PCDHGB7: variants seen among roughly 807,000 people sequenced by gnomAD.
PCDHGB7 encodes the protein protocadherin gamma-B7.
In PCDHGB7, 37 loss-of-function variants were observed where a neutral mutation model predicts 61.4. The observed-to-expected ratio is 0.60, with a 90% CI of 0.46 to 0.79. PCDHGB7 has a LOEUF of 0.79. Among genes scored for constraint, PCDHGB7 ranks in the 30% least tolerant of loss-of-function variants. The pLI, the probability that PCDHGB7 is intolerant of heterozygous loss-of-function variation, is 0.00. For synonymous variants in PCDHGB7, 464 were observed against 503.5 expected (o/e 0.92, Z 1.05); for missense variants, 1,166 against 1,202.5 (o/e 0.97, Z 0.45).
At position 141,487,063 on chromosome 5, in the gene PCDHGB7, G is replaced by A. The variant is rs754361361; in HGVS notation, c.2416-7744G>A. 39 of 1,614,086 alleles carry A rather than the reference G, an allele frequency of 2.4e-5. No individual in the cohort carries two copies. In the South Asian group the frequency reaches 3.7e-4, roughly 15 times the overall value. The stretch of plus-strand genomic sequence containing the variant: ...CTCGATATGCTGGGGAGGTGCGGAC[G>A]GCTGTTCCTATCCCAGCTGACCTCC... On this transcript the variant is annotated intron_variant, in intron 1 of 3. Transcript: ENST00000398594. The surrounding 1 kb of genome is among the most constrained non-coding windows in gnomAD (Gnocchi z 5.0).
At chr5:141,455,282 A>C (rs1307886349) in intron 1 of PCDHGB7, among the ~76,000 whole-genome samples, 1 of 152,056 alleles carries the variant, frequency 6.6e-6, no homozygotes, top group Non-Finnish European at 1.5e-5. Flanking sequence ...TATTAACATC[A>C]CTTTACATAG....
chr5:141,496,144 T>C (rs1478887814), intron 2 of PCDHGB7, among the ~76,000 whole-genome samples: 1 of 151,780 alleles, frequency 6.6e-6, no homozygotes, highest in Non-Finnish European at 1.5e-5. Context: ...GAGCCTTTGA[T>C]CGCAGCTCTC....
chr5:141,491,126 G>A lies in PCDHGB7; in HGVS notation c.2416-3681G>A, dbSNP rs768294944. 1.4e-5 allele frequency: 23 copies of A among 1,613,978 alleles called. No individual in the cohort carries two copies. In the East Asian group the frequency reaches 3.1e-4, roughly 22 times the overall value. On this transcript the variant is annotated intron_variant, in intron 1 of 3. Transcript: ENST00000398594. This position sits in a 1 kb window ranked among gnomAD's most constrained non-coding sequence, Gnocchi z 6.9. ...GTGTCTACACACACTGGTGAGGTGCGCACAGCCCGGGCCTTACTGGAGGAT... is the reference window on the plus strand; with the variant it reads ...GTGTCTACACACACTGGTGAGGTGCACACAGCCCGGGCCTTACTGGAGGAT...
chr5:141,477,845 GT>G lies in PCDHGB7; in HGVS notation c.2416-16961del, dbSNP rs1562065234. ...ATATCCTCGGCCAGGTGGGAGCTCG[GT>G]GGAGATGCTGCCTCGAGGTACCTCA... is the stretch of plus-strand genomic sequence containing the variant. On this transcript the variant is annotated intron_variant, in intron 1 of 3. Coordinates refer to ENST00000398594, the MANE Select transcript of PCDHGB7 (RefSeq NM_018927.4). This position sits in a 1 kb window ranked among gnomAD's most constrained non-coding sequence, Gnocchi z 4.9. 1 of 1,614,038 alleles carries G rather than the reference GT, an allele frequency of 6.2e-7. No homozygotes were observed. Among genetic ancestry groups the G allele is most frequent in the East Asian group, 2.2e-5 (1 of 44,896 alleles).
At chr5:141,422,463 C>T in intron 1 of PCDHGB7, 1 of 1,613,472 alleles carries the variant, frequency 6.2e-7, no homozygotes, top group African/African-American at 1.3e-5. Context: ...GAGTGCTGGA[C>T]AGGGAGTTGG....
intron 1 of PCDHGB7, among the ~76,000 whole-genome samples, chr5:141,436,374 G>C (rs2154557079): frequency 6.6e-6 from 1 of 152,248 alleles, no homozygotes; most frequent in East Asian, 1.9e-4. Context: ...TCCAGTTTAA[G>C]CTGAATAGGC....
rs1300601208 is a variant in PCDHGB7 at position 141,499,206 on chromosome 5, AC to A, written c.2474+4344del. On this transcript the variant is annotated intron_variant, in intron 2 of 3. Transcript: ENST00000398594. ...ACCATTTCCCCCTTCTTAGGCTGTA[AC>A]CCAGGCCCTGCCCTGCAGCTGTCCC... Among the ~76,000 whole-genome samples the A allele has an allele frequency of 3.3e-5, 5 of 152,062 alleles. No homozygotes were observed. In the East Asian group the frequency reaches 7.7e-4, roughly 24 times the overall value.
In PCDHGB7 at chr5:141,511,281, G is replaced by A; in HGVS notation, c.*108G>A. The A allele has an allele frequency of 2.0e-6, 3 of 1,531,280 alleles. No homozygotes were observed. Among genetic ancestry groups the A allele is most frequent in the Non-Finnish European group, 2.6e-6 (3 of 1,137,132 alleles). 94.9% of individuals were successfully genotyped at this position (1,531,280 alleles called of 1,614,324 possible). ...TTCAGGGCTAACCCCCAGAATACTG[G>A]TAGGGGCCAAGGCCATGCTCCCCTT... On this transcript the variant is annotated 3_prime_UTR_variant, in exon 4 of 4. Transcript: ENST00000398594.
In PCDHGB7 at chr5:141,487,762, T is replaced by C; in HGVS notation, c.2416-7045T>C. 6.5e-7 allele frequency: 1 copy of C among 1,545,432 alleles called. No homozygotes were observed. The highest frequency in any genetic ancestry group is 8.8e-7 in the Non-Finnish European group (1 of 1,142,332). ...TAAGAGGTAACTATGTGGTAGACGC[T>C]GTGCTTTGTAACTGTTTCGTGAATT... On this transcript the variant is annotated intron_variant, in intron 1 of 3. Coordinates refer to ENST00000398594, the MANE Select transcript of PCDHGB7 (RefSeq NM_018927.4). The surrounding 1 kb of genome is among the most constrained non-coding windows in gnomAD (Gnocchi z 5.0).
At position 141,482,865 on chromosome 5, in the gene PCDHGB7, A is replaced by G. The variant is rs557581796; in HGVS notation, c.2416-11942A>G. ...GGTGGGCAGATCACTTGAGGTCAGG[A>G]GTTTGAAACCAGCCTGGCCAACATG... On this transcript the variant is annotated intron_variant, in intron 1 of 3. Coordinates refer to ENST00000398594, the MANE Select transcript of PCDHGB7 (RefSeq NM_018927.4). Among the ~76,000 whole-genome samples, 66 of 152,206 alleles carry G rather than the reference A, an allele frequency of 4.3e-4. 1 individual carries two copies. Among genetic ancestry groups the G allele is most frequent in the African/African-American group, 1.5e-3 (61 of 41,516 alleles).
rs909444391 is a variant in PCDHGB7 at position 141,450,834 on chromosome 5, T to A, written c.2415+30560T>A. On this transcript the variant is annotated intron_variant, in intron 1 of 3. Transcript: ENST00000398594. ...TATTTAATATTATTATTATTATTTT[T>A]TTTTTTTTGAGATGGGGTCTTGCTC... is the stretch of plus-strand genomic sequence containing the variant. 1.2e-3 allele frequency among the ~76,000 whole-genome samples: 172 copies of A among 148,764 alleles called. 3 individuals are homozygous for A. The highest frequency in any genetic ancestry group is 4.1e-3 in the African/African-American group (166 of 40,236).
rs2097401329 is a variant in PCDHGB7 at position 141,431,623 on chromosome 5, G to A, written c.2415+11349G>A. 1 of 1,614,192 alleles carries A rather than the reference G, an allele frequency of 6.2e-7. No homozygotes were observed. The highest frequency in any genetic ancestry group is 1.7e-5 in the Admixed American group (1 of 60,028). On this transcript the variant is annotated intron_variant, in intron 1 of 3. Coordinates refer to ENST00000398594, the MANE Select transcript of PCDHGB7 (RefSeq NM_018927.4). This position sits in a 1 kb window ranked among gnomAD's most constrained non-coding sequence, Gnocchi z 4.8. ...CCTTCCGGTATGTGGACGACAAGGC[G>A]GCCCAAGTTTTCAAACTAGATTGTA...
chr5:141,473,975 G>T (rs188916402), intron 1 of PCDHGB7, among the ~76,000 whole-genome samples: 1 of 152,104 alleles, frequency 6.6e-6, no homozygotes, highest in Non-Finnish European at 1.5e-5. Flanking sequence ...AGTCTGAGGC[G>T]GGAGGATCCC....
chr5:141,442,052 G>T (rs2098295034), intron 1 of PCDHGB7: 1 of 197,576 alleles, frequency 5.1e-6, no homozygotes, highest in South Asian at 6.6e-5. Flanking sequence ...TACTGGTCGC[G>T]GTGCACTGCG....
chr5:141,507,202 C>G (rs2099859138), intron 3 of PCDHGB7: 1 of 152,356 alleles, frequency 6.6e-6, no homozygotes, highest in Non-Finnish European at 1.5e-5. Flanking sequence ...TCTTCCAGAT[C>G]AGGGTTGCCA....
chr5:141,510,510 G>C (rs1042950478), intron 3 of PCDHGB7, among the ~76,000 whole-genome samples: 1 of 152,132 alleles, frequency 6.6e-6, no homozygotes, highest in Non-Finnish European at 1.5e-5. Context: ...CTGAGAGCCC[G>C]TGTCACAGCC....
In PCDHGB7 at chr5:141,511,296, A is replaced by C; in HGVS notation, c.*123A>C. 1 of 1,505,968 alleles carries C rather than the reference A, an allele frequency of 6.6e-7. No individual in the cohort carries two copies. The allele number at this position is 1,505,968 out of a possible 1,614,324, so 93.3% of individuals were successfully genotyped here. On this transcript the variant is annotated 3_prime_UTR_variant, in exon 4 of 4. Coordinates refer to ENST00000398594, the MANE Select transcript of PCDHGB7 (RefSeq NM_018927.4). ...CAGAATACTGGTAGGGGCCAAGGCCATGCTCCCCTTGGGAAACAGAAACAA... is the reference window on the plus strand; with the variant it reads ...CAGAATACTGGTAGGGGCCAAGGCCCTGCTCCCCTTGGGAAACAGAAACAA...
chr5:141,431,709 T>C lies in PCDHGB7; in HGVS notation c.2415+11435T>C. On this transcript the variant is annotated intron_variant, in intron 1 of 3. Coordinates refer to ENST00000398594, the MANE Select transcript of PCDHGB7 (RefSeq NM_018927.4). This position sits in a 1 kb window ranked among gnomAD's most constrained non-coding sequence, Gnocchi z 4.8. ...CACGAGGAGTCAGGATTCTACCAGA[T>C]GGAAGTGCAAGCAATGGATAATGCA... The C allele has an allele frequency of 6.2e-7, 1 of 1,614,168 alleles. No individual in the cohort carries two copies. Among genetic ancestry groups the C allele is most frequent in the Non-Finnish European group, 8.5e-7 (1 of 1,180,018 alleles).
chr5:141,424,383 T>C (rs2096817494), intron 1 of PCDHGB7: 2 of 152,238 alleles, frequency 1.3e-5, no homozygotes, highest in Non-Finnish European at 2.9e-5. Context: ...AAGCTCTAGA[T>C]GTCTTTTCCA....
Sources: allele counts gnomAD v4.1 joint callset (sites outside exome capture counted in the v4.1 genomes callset), GRCh38; gene constraint gnomAD v4.1.1; non-coding constraint Gnocchi (gnomAD v3.1); transcripts MANE v1.5; gene names NCBI Gene and HGNC (gene_info 2026-07-23, HGNC 2026-07-21).